Variants in CDK2AP1 observed in about 807,000 individuals in gnomAD.
CDK2AP1 encodes cyclin dependent kinase 2 associated protein 1.
CDK2AP1 carries 10 observed loss-of-function variants against 14.1 expected under a neutral mutation model. The ratio of observed to expected loss-of-function variants is 0.71; its 90% CI spans 0.44 to 1.20. The LOEUF (loss-of-function observed/expected upper bound fraction) is 1.20. Among genes scored for constraint, CDK2AP1 ranks in the 50% most tolerant of loss-of-function variants. The pLI is 0.00. For missense variants in CDK2AP1, 102 were observed against 149.9 expected (o/e 0.68, Z 1.67); for synonymous variants, 59 against 59.8 (o/e 0.99, Z 0.06).
chr12:123,271,677 C>G lies in CDK2AP1; in HGVS notation c.-59G>C. 1 of 701,496 alleles carries G rather than the reference C, an allele frequency of 1.4e-6. No individual in the cohort carries two copies. The highest frequency in any genetic ancestry group is 1.7e-6 in the Non-Finnish European group (1 of 573,498). 43.5% of individuals were successfully genotyped at this position (701,496 alleles called of 1,614,324 possible). On this transcript the variant is annotated 5_prime_UTR_variant, in exon 1 of 4. Transcript: ENST00000261692. ...GGCCAGGCCGCGAGGGCGGCGGCGG[C>G]GGCGGCGAGGCCGGGCGGTAGCGCT...
intron 3 of CDK2AP1, among the ~76,000 whole-genome samples, chr12:123,262,979 C>T (rs528435818): frequency 3.3e-5 from 5 of 151,806 alleles, no homozygotes; most frequent in Non-Finnish European, 7.4e-5. Context: ...TTTCGGAGGC[C>T]GGGGCGGGTT....
At chr12:123,271,053 C>T in intron 1 of CDK2AP1, 2 of 952,600 alleles carry the variant, frequency 2.1e-6, no homozygotes, top group Non-Finnish European at 2.5e-6. Context: ...CCCGCAGCCC[C>T]GCAGCCCCGC....
At position 123,269,887 on chromosome 12, in the gene CDK2AP1, G is replaced by A. The variant is rs564014689; in HGVS notation, c.55+1677C>T. On this transcript the variant is annotated intron_variant, in intron 1 of 3. Coordinates refer to ENST00000261692, the MANE Select transcript of CDK2AP1 (RefSeq NM_004642.4). ...GCTGGGGTTCTGCAAAGGGGCCCGT[G>A]GGGGGTTGGGAGGGGCACCAAAAAG... 5.9e-5 allele frequency among the ~76,000 whole-genome samples: 9 copies of A among 152,280 alleles called. No homozygotes were observed. The South Asian group carries it at 1.9e-3, about 32-fold the overall frequency.
In CDK2AP1 at chr12:123,264,462, C is replaced by CAAAAAAAAAAAAA. The variant is rs1167157405; in HGVS notation, c.280+721_280+733dup. On this transcript the variant is annotated intron_variant, in intron 3 of 3. Transcript: ENST00000261692. ...GCAACAAGAGTAAAACTCCGTCTCC[C>CAAAAAAAAAAAAA]AAAAAAAAAAAAAAAAAAAAAAAAA... Among the ~76,000 whole-genome samples the CAAAAAAAAAAAAA allele has an allele frequency of 2.9e-3, 203 of 69,846 alleles. 4 individuals are homozygous for CAAAAAAAAAAAAA. Among genetic ancestry groups the CAAAAAAAAAAAAA allele is most frequent in the African/African-American group, 6.8e-3 (95 of 13,894 alleles). 45.8% of individuals were successfully genotyped at this position (69,846 alleles called of 152,430 possible).
At chr12:123,269,629 G>T (rs539344405) in intron 1 of CDK2AP1, among the ~76,000 whole-genome samples, 64 of 152,148 alleles carry the variant, frequency 4.2e-4, no homozygotes, top group Admixed American at 1.4e-3. Context: ...GACAAAGAGC[G>T]CGGGGCCTGG....
chr12:123,265,129 C>T lies in CDK2AP1; in HGVS notation c.280+67G>A. ...CTAGCCCACCTTCCCACATTTTCCC[C>T]AAAAGTCTTTCCAGAGTTAAAGGTC... is the stretch of plus-strand genomic sequence containing the variant. On this transcript the variant is annotated intron_variant, in intron 3 of 3. Coordinates refer to ENST00000261692, the MANE Select transcript of CDK2AP1 (RefSeq NM_004642.4). This position sits in a 1 kb window ranked among gnomAD's most constrained non-coding sequence, Gnocchi z 5.3. 6.3e-7 allele frequency: 1 copy of T among 1,600,000 alleles called. No homozygotes were observed. The highest frequency in any genetic ancestry group is 1.1e-5 in the South Asian group (1 of 90,748).
rs1192559013 is a variant in CDK2AP1 at position 123,265,791 on chromosome 12, CAA to C, written c.154-471_154-470del. Among the ~76,000 whole-genome samples the C allele has an allele frequency of 2.0e-5, 3 of 152,192 alleles. No individual in the cohort carries two copies. Among genetic ancestry groups the C allele is most frequent in the South Asian group, 2.1e-4 (1 of 4,830 alleles). ...ACAGGGGAAACAGCTCATTTTGGCA[CAA>C]AAGAGTCCAAACAGCATTTCCCAGG... On this transcript the variant is annotated intron_variant, in intron 2 of 3. Transcript: ENST00000261692. This position sits in a 1 kb window ranked among gnomAD's most constrained non-coding sequence, Gnocchi z 5.3.
Position 123,265,129 on chromosome 12 carries a change from CAA to C in CDK2AP1, c.280+65_280+66del. On this transcript the variant is annotated intron_variant, in intron 3 of 3. Transcript: ENST00000261692. This position sits in a 1 kb window ranked among gnomAD's most constrained non-coding sequence, Gnocchi z 5.3. Reference sequence around the variant, plus strand: ...CTAGCCCACCTTCCCACATTTTCCCCAAAAGTCTTTCCAGAGTTAAAGGTCTA... The same window carrying C: ...CTAGCCCACCTTCCCACATTTTCCCCAAGTCTTTCCAGAGTTAAAGGTCTA... 2 of 1,600,000 alleles carry C rather than the reference CAA, an allele frequency of 1.3e-6. No homozygotes were observed. Among genetic ancestry groups the C allele is most frequent in the Middle Eastern group, 1.7e-4 (1 of 6,026 alleles).
At chr12:123,266,136 G>A (rs909595824) in intron 2 of CDK2AP1, among the ~76,000 whole-genome samples, 3 of 152,160 alleles carry the variant, frequency 2.0e-5, no homozygotes, top group Admixed American at 6.5e-5. Flanking sequence ...CAGCTCCCTG[G>A]GCGAGGTCCT....
At chr12:123,263,389 C>T (rs866917330) in intron 3 of CDK2AP1, among the ~76,000 whole-genome samples, 1 of 152,162 alleles carries the variant, frequency 6.6e-6, no homozygotes, top group Non-Finnish European at 1.5e-5. Context: ...CAAGGGGTAG[C>T]ACTAGGTCTT....
chr12:123,267,289 G>C lies in CDK2AP1; in HGVS notation c.56-7C>G, dbSNP rs1367942838. 3 of 1,589,184 alleles carry C rather than the reference G, an allele frequency of 1.9e-6. No individual in the cohort carries two copies. Among genetic ancestry groups the C allele is most frequent in the Non-Finnish European group, 2.6e-6 (3 of 1,157,800 alleles). ...GGCGAGTGGACACTCCCAGCTGTGGGGTGGGGAGAGAGAGGCCAGGAGTCA... is the reference window on the plus strand; with the variant it reads ...GGCGAGTGGACACTCCCAGCTGTGGCGTGGGGAGAGAGAGGCCAGGAGTCA... On this transcript the variant is annotated splice_region_variant and splice_polypyrimidine_tract_variant and intron_variant, in intron 1 of 3. Transcript: ENST00000261692.
chr12:123,263,862 T>G (rs1344742712), intron 3 of CDK2AP1, among the ~76,000 whole-genome samples: 1 of 152,090 alleles, frequency 6.6e-6, no homozygotes, highest in Middle Eastern at 3.4e-3. Context: ...TCCCAGCACT[T>G]TGGGAGGCCA....
At chr12:123,270,429 C>A (rs2048343880) in intron 1 of CDK2AP1, among the ~76,000 whole-genome samples, 1 of 152,046 alleles carries the variant, frequency 6.6e-6, no homozygotes, top group Non-Finnish European at 1.5e-5. Flanking sequence ...CAAACAAGGC[C>A]CAAAACTCGA....
chr12:123,271,163 C>A, intron 1 of CDK2AP1: 2 of 313,976 alleles, frequency 6.4e-6, no homozygotes, highest in Non-Finnish European at 9.1e-6. Flanking sequence ...GGCGGGGCCC[C>A]GCGCCCCGCT....
intron 2 of CDK2AP1, among the ~76,000 whole-genome samples, chr12:123,266,107 C>A (rs1707753920): frequency 6.6e-6 from 1 of 152,226 alleles, no homozygotes; most frequent in Non-Finnish European, 1.5e-5. Context: ...CCCTTGGCCA[C>A]CTCCTCCCAT....
At chr12:123,267,019 C>T (rs1394130509) in intron 2 of CDK2AP1, among the ~76,000 whole-genome samples, 166 bp downstream of exon 2, 2 of 152,206 alleles carry the variant, frequency 1.3e-5, no homozygotes, top group African/African-American at 4.8e-5. Flanking sequence ...CCAGTGCCCT[C>T]CACTCTGATG....
chr12:123,269,625 G>C (rs2048334919), intron 1 of CDK2AP1, among the ~76,000 whole-genome samples: 1 of 152,162 alleles, frequency 6.6e-6, no homozygotes, highest in Non-Finnish European at 1.5e-5. Flanking sequence ...GCCAGACAAA[G>C]AGCGCGGGGC....
At chr12:123,269,721 C>G (rs1352410914) in intron 1 of CDK2AP1, among the ~76,000 whole-genome samples, 2 of 152,214 alleles carry the variant, frequency 1.3e-5, no homozygotes. Flanking sequence ...AACTCCGCCA[C>G]TGCCACCACC....
At chr12:123,270,104 C>G (rs939976137) in intron 1 of CDK2AP1, 1 of 471,206 alleles carries the variant, frequency 2.1e-6, no homozygotes, top group Non-Finnish European at 2.8e-6. Flanking sequence ...CTGAGCTCAG[C>G]CTTGCCCAGG....
Sources: allele counts gnomAD v4.1 joint callset (sites outside exome capture counted in the v4.1 genomes callset), GRCh38; gene constraint gnomAD v4.1.1; non-coding constraint Gnocchi (gnomAD v3.1); transcripts MANE v1.5; gene names NCBI Gene and HGNC (gene_info 2026-07-23, HGNC 2026-07-21).